NUP153: variants seen among roughly 807,000 people sequenced by gnomAD.
The protein encoded by NUP153 is nuclear pore complex protein Nup153.
A neutral mutation model predicts 134.6 loss-of-function variants in NUP153; 27 were observed. That is an observed-to-expected ratio of 0.20 (90% CI 0.15 to 0.28). The LOEUF (loss-of-function observed/expected upper bound fraction) is 0.28, where lower values mean the gene tolerates loss of function less well. Among genes scored for constraint, NUP153 ranks in the 10% least tolerant of loss-of-function variants. The probability of loss-of-function intolerance (pLI) is 1.00; values close to 1 mark genes in which losing one functional copy is unlikely to be tolerated. For missense variants in NUP153, 1,821 were observed against 1,731.3 expected (o/e 1.05, Z -0.92); for synonymous variants, 640 against 623.5 (o/e 1.03, Z -0.40).
chr6:17,651,498 C>A (rs937413396), intron 11 of NUP153, among the ~76,000 whole-genome samples: 1 of 151,866 alleles, frequency 6.6e-6, no homozygotes, highest in African/African-American at 2.4e-5. Context: ...AATTAAAACA[C>A]AGAAAATGGA....
intron 14 of NUP153, among the ~76,000 whole-genome samples, chr6:17,644,828 G>A (rs1766058851): frequency 6.6e-6 from 1 of 152,108 alleles, no homozygotes; most frequent in Non-Finnish European, 1.5e-5. Context: ...GTTCACGCCT[G>A]TAATCCCAGC....
intron 1 of NUP153, among the ~76,000 whole-genome samples, chr6:17,698,273 T>C (rs1395233265): frequency 1.3e-5 from 2 of 152,122 alleles, no homozygotes; most frequent in African/African-American, 4.8e-5. Flanking sequence ...ATGTCTTAGA[T>C]TTGGATGTTA....
chr6:17,650,586 A>T (rs759024422), intron 11 of NUP153, among the ~76,000 whole-genome samples: 2 of 152,144 alleles, frequency 1.3e-5, no homozygotes, highest in Non-Finnish European at 2.9e-5. Context: ...TCACAGCTCA[A>T]TAAAATTGAT....
intron 1 of NUP153, among the ~76,000 whole-genome samples, chr6:17,693,071 AGT>A (rs1269072079): frequency 2.0e-5 from 3 of 152,052 alleles, no homozygotes; most frequent in Non-Finnish European, 4.4e-5. Flanking sequence ...TTATTTTCCT[AGT>A]GTTTCCCAAA....
rs142660367 is a variant in NUP153 at position 17,688,105 on chromosome 6, G to A, written c.334+291C>T. 5.7e-3 allele frequency among the ~76,000 whole-genome samples: 864 copies of A among 151,960 alleles called. 3 individuals are homozygous for A. The highest frequency in any genetic ancestry group is 0.019 in the African/African-American group (798 of 41,454). On this transcript the variant is annotated intron_variant, in intron 2 of 21. Transcript: ENST00000262077. ...TGCACTCCAGCCTGGGCCACAGAGC[G>A]AGACTCCGTCTCAAAAAACAAAAAA...
intron 18 of NUP153, among the ~76,000 whole-genome samples, chr6:17,627,257 T>C (rs142913025): frequency 1.3e-5 from 2 of 152,348 alleles, no homozygotes; most frequent in Admixed American, 6.5e-5. Flanking sequence ...GACCCTATCA[T>C]GTTTTTGTTG....
rs1193703598 is a variant in NUP153, at chr6:17,626,101, G to A, written c.3608C>T (p.Pro1203Leu). 1 of 1,613,634 alleles carries A rather than the reference G, an allele frequency of 6.2e-7. No individual in the cohort carries two copies. The highest frequency in any genetic ancestry group is 2.2e-5 in the East Asian group (1 of 44,884). ...TATGCCACCACCAGCAGAAGTGGCT[G>A]GTGTACTTGAACTAGAGGAACTGTT... is the stretch of plus-strand genomic sequence containing the variant. ...LNNSSSSSST[P>L]ATSAGGGIFG... Residue 1203 changes from proline (P) to leucine (L), a missense_variant, in exon 19 of 22, where the codon CCA becomes CTA. Physicochemically the swap from Pro to Leu is moderately conservative, Grantham distance 98. Coordinates refer to ENST00000262077, the MANE Select transcript of NUP153 (RefSeq NM_005124.4).
intron 16 of NUP153, among the ~76,000 whole-genome samples, chr6:17,633,764 T>C (rs973735328): frequency 4.6e-5 from 7 of 152,226 alleles, no homozygotes; most frequent in African/African-American, 1.7e-4. Flanking sequence ...CTTCTCTAGA[T>C]GGCCTACAAC....
At chr6:17,678,545 A>G (rs1312850075) in intron 2 of NUP153, among the ~76,000 whole-genome samples, 2 of 152,158 alleles carry the variant, frequency 1.3e-5, no homozygotes, top group African/African-American at 4.8e-5. Context: ...ACGCTGAATG[A>G]TTACTTGCAT....
intron 2 of NUP153, among the ~76,000 whole-genome samples, chr6:17,678,947 TA>T (rs58870324): frequency 0.9 from 128,587 of 142,662 alleles, 58,125 homozygotes; most frequent in Middle Eastern, 0.99. Context: ...CTATCTCATT[TA>T]AAAAAAAAAA....
intron 11 of NUP153, among the ~76,000 whole-genome samples, chr6:17,655,023 TACAAG>T (rs1766727923): frequency 6.6e-6 from 1 of 152,218 alleles, no homozygotes; most frequent in African/African-American, 2.4e-5. Context: ...GGCAGGATTA[TACAAG>T]ACAAGAGCAA....
At chr6:17,686,454 G>A (rs1461659212) in intron 2 of NUP153, among the ~76,000 whole-genome samples, 1 of 151,220 alleles carries the variant, frequency 6.6e-6, no homozygotes, top group East Asian at 2.0e-4. Flanking sequence ...GGAGTGCAGT[G>A]GTGCGATCTC....
At chr6:17,700,962 G>T (rs1770018933) in intron 1 of NUP153, among the ~76,000 whole-genome samples, 1 of 152,192 alleles carries the variant, frequency 6.6e-6, no homozygotes, top group African/African-American at 2.4e-5. Context: ...GCTCATGCCT[G>T]TAATCCCAGC....
intron 1 of NUP153, among the ~76,000 whole-genome samples, chr6:17,694,242 G>A (rs1015672059): frequency 7.2e-5 from 11 of 152,130 alleles, no homozygotes; most frequent in Non-Finnish European, 1.5e-4. Flanking sequence ...ATTGAATGAA[G>A]AATAGTAATG....
chr6:17,623,972 G>A (rs897196758), intron 20 of NUP153, among the ~76,000 whole-genome samples: 1 of 152,044 alleles, frequency 6.6e-6, no homozygotes, highest in African/African-American at 2.4e-5. Flanking sequence ...TTGTTATACA[G>A]CATTTGCTTC....
chr6:17,641,649 C>T (rs767274453), intron 14 of NUP153, among the ~76,000 whole-genome samples: 2 of 152,068 alleles, frequency 1.3e-5, no homozygotes, highest in South Asian at 2.1e-4. Flanking sequence ...GTCAGGAGAT[C>T]GAGACCACCC....
intron 14 of NUP153, among the ~76,000 whole-genome samples, chr6:17,641,748 A>G (rs1464206838): frequency 6.6e-6 from 1 of 152,002 alleles, no homozygotes; most frequent in African/African-American, 2.4e-5. Context: ...CCAGCTGCTC[A>G]GGAGGCTGAG....
chr6:17,695,628 G>A (rs1266180418), intron 1 of NUP153, among the ~76,000 whole-genome samples: 5 of 152,274 alleles, frequency 3.3e-5, no homozygotes, highest in East Asian at 1.9e-4. Context: ...ATGTGTTTAT[G>A]ATGCACAGCC....
At chr6:17,678,938 T>C (rs1259491199) in intron 2 of NUP153, among the ~76,000 whole-genome samples, 1 of 84,744 alleles carries the variant, frequency 1.2e-5, no homozygotes. Flanking sequence ...AAAGCAAGAC[T>C]ATCTCATTTA....
Sources: allele counts gnomAD v4.1 joint callset (sites outside exome capture counted in the v4.1 genomes callset), GRCh38; gene constraint gnomAD v4.1.1; transcripts MANE v1.5; gene names NCBI Gene and HGNC (gene_info 2026-07-23, HGNC 2026-07-21).